Variants in RNF150 observed in about 807,000 individuals in gnomAD.
The protein encoded by RNF150 is ring finger protein 150.
Under a neutral mutation model 39.3 loss-of-function variants are expected in RNF150, and 24 were observed. The ratio of observed to expected loss-of-function variants is 0.61; its 90% CI spans 0.44 to 0.86. RNF150 has a LOEUF of 0.86. Among genes scored for constraint, RNF150 ranks in the 40% least tolerant of loss-of-function variants. The pLI, the probability that RNF150 is intolerant of heterozygous loss-of-function variation, is 0.00. For synonymous variants in RNF150, 255 were observed against 227.3 expected, an observed-to-expected ratio of 1.12 and a Z score of -1.10; for missense variants, 502 against 587.8, an observed-to-expected ratio of 0.85 and a Z score of 1.51.
intron 1 of RNF150, among the ~76,000 whole-genome samples, chr4:141,039,489 A>C (rs989729500): frequency 4.6e-5 from 7 of 152,128 alleles, no homozygotes; most frequent in Non-Finnish European, 1.0e-4. Flanking sequence ...GCATAGATTC[A>C]TTTAAAGAAA....
At chr4:140,894,012 C>G (rs1729852867) in intron 6 of RNF150, among the ~76,000 whole-genome samples, 2 of 152,168 alleles carry the variant, frequency 1.3e-5, no homozygotes, top group East Asian at 3.9e-4. Flanking sequence ...ATTTCCTCCA[C>G]AAGCTGAAGA....
chr4:141,047,704 C>G (rs976355160), intron 1 of RNF150, among the ~76,000 whole-genome samples: 3 of 152,104 alleles, frequency 2.0e-5, no homozygotes, highest in Non-Finnish European at 4.4e-5. Context: ...GATCACAAGT[C>G]AAAGGCAACT....
chr4:141,077,507 A>G (rs1295577630), intron 1 of RNF150, among the ~76,000 whole-genome samples: 1 of 152,244 alleles, frequency 6.6e-6, no homozygotes, highest in Non-Finnish European at 1.5e-5. Context: ...GGCCTGTACA[A>G]AAAATAAATT....
At position 141,092,265 on chromosome 4, in the gene RNF150, C is replaced by A. The variant is rs191516929; in HGVS notation, c.484+40060G>T. On this transcript the variant is annotated intron_variant, in intron 1 of 6. Coordinates refer to ENST00000515673, the MANE Select transcript of RNF150 (RefSeq NM_020724.2). ...GGCTGAGGCAGGAGAATTACTTGAA[C>A]CTGGGAGGCAGAGGTTGTGGTGAGC... Among the ~76,000 whole-genome samples, 463 of 152,120 alleles carry A rather than the reference C, an allele frequency of 3.0e-3. 5 individuals are homozygous for A. The highest frequency in any genetic ancestry group is 0.011 in the African/African-American group (438 of 41,488).
At chr4:140,870,857 T>TA (rs35496093) in intron 6 of RNF150, among the ~76,000 whole-genome samples, 31,485 of 149,958 alleles carry the variant, frequency 0.21, 3,418 homozygotes, top group Middle Eastern at 0.32. Flanking sequence ...GCTCTGTCTT[T>TA]AAAAAAAAAA....
intron 1 of RNF150, among the ~76,000 whole-genome samples, chr4:141,177,807 C>T (rs1438463379): frequency 3.9e-5 from 6 of 152,070 alleles, no homozygotes; most frequent in African/African-American, 1.4e-4. Context: ...GAGGTGCTCA[C>T]GGATAACTCC....
intron 5 of RNF150, among the ~76,000 whole-genome samples, chr4:140,924,114 A>G (rs1027346434): frequency 2.0e-5 from 3 of 152,182 alleles, no homozygotes; most frequent in Non-Finnish European, 4.4e-5. Flanking sequence ...TAAAACTTAA[A>G]GTATAATTAA....
At chr4:141,106,171 A>C (rs752480944) in intron 1 of RNF150, among the ~76,000 whole-genome samples, 1 of 152,176 alleles carries the variant, frequency 6.6e-6, no homozygotes, top group Non-Finnish European at 1.5e-5. Context: ...AGGCCACTTA[A>C]TCACTCCCAG....
At chr4:141,103,022 A>G (rs1462731536) in intron 1 of RNF150, among the ~76,000 whole-genome samples, 4 of 152,168 alleles carry the variant, frequency 2.6e-5, no homozygotes, top group Non-Finnish European at 5.9e-5. Context: ...GGAGACACCA[A>G]TCACAAAATC....
intron 2 of RNF150, among the ~76,000 whole-genome samples, chr4:140,958,060 A>T (rs1175748533): frequency 6.6e-6 from 1 of 152,112 alleles, no homozygotes; most frequent in Non-Finnish European, 1.5e-5. Flanking sequence ...AAAAAATAAC[A>T]AAAATAATAT....
rs541807951 is a variant in RNF150, at chr4:140,874,391, T to C, written c.1199-6012A>G. 3.9e-5 allele frequency among the ~76,000 whole-genome samples: 6 copies of C among 152,306 alleles called. No individual in the cohort carries two copies. In the South Asian group the frequency reaches 1.2e-3, roughly 32 times the overall value. On this transcript the variant is annotated intron_variant, in intron 6 of 6. Transcript: ENST00000515673. The stretch of plus-strand genomic sequence containing the variant: ...CTCAAGCTCATTCCATTATCAATGT[T>C]CCCATGTCAGGATCCTGCTGCATTT...
At chr4:141,113,632 T>C (rs1739461293) in intron 1 of RNF150, among the ~76,000 whole-genome samples, 3 of 152,106 alleles carry the variant, frequency 2.0e-5, no homozygotes, top group Non-Finnish European at 4.4e-5. Flanking sequence ...TTAACAAGAA[T>C]ATTCAGAACT....
intron 5 of RNF150, among the ~76,000 whole-genome samples, chr4:140,918,678 C>G (rs1730960068): frequency 6.6e-6 from 1 of 151,608 alleles, no homozygotes. Context: ...CTCCCTAACT[C>G]ATTTTATGAG....
intron 4 of RNF150, among the ~76,000 whole-genome samples, chr4:140,946,712 C>A (rs2111370100): frequency 6.6e-6 from 1 of 152,150 alleles, no homozygotes; most frequent in Non-Finnish European, 1.5e-5. Flanking sequence ...TGCTATATTG[C>A]CCAGGCTGTT....
chr4:141,077,356 T>C (rs1737934054), intron 1 of RNF150, among the ~76,000 whole-genome samples: 1 of 152,110 alleles, frequency 6.6e-6, no homozygotes, highest in Admixed American at 6.6e-5. Flanking sequence ...ATATCAAATA[T>C]ATTATGTTAA....
intron 1 of RNF150, among the ~76,000 whole-genome samples, chr4:141,155,052 G>A (rs948650278): frequency 1.3e-5 from 2 of 152,002 alleles, no homozygotes; most frequent in Non-Finnish European, 2.9e-5. Flanking sequence ...TTAAAATTGT[G>A]AGATCTATAC....
intron 1 of RNF150, among the ~76,000 whole-genome samples, chr4:141,154,814 T>C (rs1489050544): frequency 6.6e-6 from 1 of 152,188 alleles, no homozygotes; most frequent in African/African-American, 2.4e-5. Context: ...AAACCATTAT[T>C]CAACAACAAC....
At chr4:141,165,558 C>A (rs1333122809) in intron 1 of RNF150, among the ~76,000 whole-genome samples, 2 of 152,172 alleles carry the variant, frequency 1.3e-5, no homozygotes, top group Non-Finnish European at 2.9e-5. Context: ...CTAAAATGCT[C>A]CTCAGCAAAT....
At position 140,949,310 on chromosome 4, in the gene RNF150, C is replaced by T; in HGVS notation, c.798G>A (p.Lys266=). 2 of 1,611,910 alleles carry T rather than the reference C, an allele frequency of 1.2e-6. No homozygotes were observed. The highest frequency in any genetic ancestry group is 1.7e-6 in the Non-Finnish European group (2 of 1,178,750). ...AAGAGGCTGCTATTACCTTGTCACC[C>T]TTCTTGATGGTCCTGATCTGGAGTT... ...ISKLQIRTIK[K]GDKETESDFD... is the part of the protein sequence containing the mutation. Residue 266 remains lysine, a synonymous_variant, in exon 3 of 7, where the codon AAG becomes AAA. Coordinates refer to ENST00000515673, the MANE Select transcript of RNF150 (RefSeq NM_020724.2).
Sources: allele counts gnomAD v4.1 joint callset (sites outside exome capture counted in the v4.1 genomes callset), GRCh38; gene constraint gnomAD v4.1.1; transcripts MANE v1.5; gene names NCBI Gene and HGNC (gene_info 2026-07-23, HGNC 2026-07-21).